Variants in FAM81A observed in about 807,000 individuals in gnomAD.
FAM81A encodes family with sequence similarity 81 member A, also known as protein FAM81A.
FAM81A carries 19 observed loss-of-function variants against 46.7 expected under a neutral mutation model. That is an observed-to-expected ratio of 0.41 (90% CI 0.28 to 0.60). FAM81A has a LOEUF of 0.60. FAM81A is among the 20% of genes least tolerant of loss of function. The pLI is 0.34. For synonymous variants in FAM81A, 183 were observed against 152.9 expected, an observed-to-expected ratio of 1.20 and a Z score of -1.45; for missense variants, 377 against 453.5, an observed-to-expected ratio of 0.83 and a Z score of 1.53.
intron 2 of FAM81A, among the ~76,000 whole-genome samples, chr15:59,422,713 T>C (rs1163664010): frequency 1.3e-5 from 2 of 152,168 alleles, no homozygotes; most frequent in African/African-American, 2.4e-5. Context: ...CCTGACCTCA[T>C]GATCTGTCTG....
intron 8 of FAM81A, among the ~76,000 whole-genome samples, chr15:59,519,309 C>T (rs746642956): frequency 2.0e-5 from 3 of 151,948 alleles, no homozygotes; most frequent in Admixed American, 2.0e-4. Flanking sequence ...ATACCTCAGC[C>T]CCGCGGGTAG....
exon 2 of FAM81A, chr15:59,402,318 G>A (rs116977752): frequency 1.9e-5 from 3 of 155,890 alleles, no homozygotes; most frequent in Admixed American, 1.3e-4. Context: ...GGATCTGAAG[G>A]TCCAGGACCT....
At chr15:59,403,617 T>TATTTTATGGAAGTGTTATCTCTGGC (rs2081081367) in intron 2 of FAM81A, among the ~76,000 whole-genome samples, 2 of 152,172 alleles carry the variant, frequency 1.3e-5, no homozygotes, top group Non-Finnish European at 2.9e-5. Context: ...GTTCCTCTGG[T>TATTTTATGGAAGTGTTATCTCTGGC]TATTTTATGG....
intron 7 of FAM81A, 141 bp downstream of exon 7, chr15:59,514,565 A>G (rs2082247244): frequency 9.1e-7 from 1 of 1,101,352 alleles, no homozygotes. Context: ...ATAGTTCCAT[A>G]TTGATGCTTT....
intron 1 of FAM81A, among the ~76,000 whole-genome samples, chr15:59,455,907 T>C (rs2081477877): frequency 6.6e-6 from 1 of 152,234 alleles, no homozygotes; most frequent in Admixed American, 6.5e-5. Context: ...CTTATATCTT[T>C]ATTGCTGCAG....
intron 2 of FAM81A, among the ~76,000 whole-genome samples, chr15:59,413,600 C>T (rs939906330): frequency 6.6e-6 from 1 of 152,150 alleles, no homozygotes; most frequent in Admixed American, 6.5e-5. Flanking sequence ...AAGCCATTAT[C>T]TGCTGTTCCT....
intron 4 of FAM81A, among the ~76,000 whole-genome samples, chr15:59,502,842 G>C (rs1251117356): frequency 1.1e-4 from 17 of 152,046 alleles, no homozygotes; most frequent in Admixed American, 7.9e-4. Context: ...GGGAGTCTTT[G>C]GTATCTTACC....
At chr15:59,464,821 T>G (rs1193170988) in intron 3 of FAM81A, among the ~76,000 whole-genome samples, 1 of 152,194 alleles carries the variant, frequency 6.6e-6, no homozygotes, top group Non-Finnish European at 1.5e-5. Context: ...TTGTTTGATA[T>G]AATCCATTTG....
In FAM81A at chr15:59,521,933, T is replaced by G. The variant is rs139126631; in HGVS notation, c.*555T>G. The G allele has an allele frequency of 1.3e-5, 2 of 152,448 alleles. No homozygotes were observed. The highest frequency in any genetic ancestry group is 4.8e-5 in the African/African-American group (2 of 41,578). 9.4% of individuals were successfully genotyped at this position (152,448 alleles called of 1,614,324 possible). On this transcript the variant is annotated 3_prime_UTR_variant, in exon 9 of 9. Coordinates refer to ENST00000288228, the MANE Select transcript of FAM81A (RefSeq NM_152450.3). ...TTTTGTAAGGGGAAAGGATTTAACATTTAGAATAAACCCCACCATTTATGT... is the reference window on the plus strand; with the variant it reads ...TTTTGTAAGGGGAAAGGATTTAACAGTTAGAATAAACCCCACCATTTATGT...
intron 3 of FAM81A, among the ~76,000 whole-genome samples, chr15:59,476,448 T>C (rs932162242): frequency 6.6e-6 from 1 of 152,128 alleles, no homozygotes; most frequent in African/African-American, 2.4e-5. Flanking sequence ...AGAGTAAATT[T>C]AAAAAGTACT....
intron 4 of FAM81A, among the ~76,000 whole-genome samples, chr15:59,495,798 C>A (rs146763664): frequency 7.7e-4 from 117 of 152,270 alleles, no homozygotes; most frequent in Middle Eastern, 3.4e-3. Context: ...TGTGCTTGCT[C>A]GTCATTGGCA....
At chr15:59,502,124 A>G (rs553268725) in intron 4 of FAM81A, among the ~76,000 whole-genome samples, 1 of 151,700 alleles carries the variant, frequency 6.6e-6, no homozygotes, top group African/African-American at 2.4e-5. Flanking sequence ...GAAACATTTT[A>G]GAGTAAGAAC....
At chr15:59,504,733 G>A (rs1158153342) in intron 4 of FAM81A, among the ~76,000 whole-genome samples, 1 of 152,060 alleles carries the variant, frequency 6.6e-6, no homozygotes, top group Admixed American at 6.5e-5. Context: ...CTTATTCTTG[G>A]ATGATAGGTT....
In FAM81A at chr15:59,460,394, G is replaced by A; in HGVS notation, c.294+188G>A. 1 of 780,888 alleles carries A rather than the reference G, an allele frequency of 1.3e-6. No individual in the cohort carries two copies. The highest frequency in any genetic ancestry group is 2.2e-6 in the Non-Finnish European group (1 of 453,744). 48.4% of individuals were successfully genotyped at this position (780,888 alleles called of 1,614,324 possible). On this transcript the variant is annotated intron_variant, in intron 3 of 8. Transcript: ENST00000288228. The surrounding 1 kb of genome is among the most constrained non-coding windows in gnomAD (Gnocchi z 4.4). ...AAATATCCTAATTAAATTTATTCCA[G>A]TGTTTGATAACAGTTACTGTTAGTG... is the stretch of plus-strand genomic sequence containing the variant.
chr15:59,437,153 C>T (rs1261749734), upstream of FAM81A, among the ~76,000 whole-genome samples: 1 of 152,080 alleles, frequency 6.6e-6, no homozygotes, highest in African/African-American at 2.4e-5. Flanking sequence ...ACTAATAGCC[C>T]CTAAATAATA....
In FAM81A at chr15:59,458,577, C is replaced by T. The variant is rs779007909; in HGVS notation, c.-50C>T. The T allele has an allele frequency of 6.2e-7, 1 of 1,612,982 alleles. No individual in the cohort carries two copies. The highest frequency in any genetic ancestry group is 2.2e-5 in the East Asian group (1 of 44,820). On this transcript the variant is annotated 5_prime_UTR_variant, in exon 2 of 9. An upstream open reading frame in the 5' UTR gains an earlier in-frame stop. Transcript: ENST00000288228. ...GTGAATTATTAAAAAGAAAATGGCC[C>T]AACGGAGCACTGTATTTCCTTCTCG...
At chr15:59,507,436 T>C (rs1596540818) in intron 5 of FAM81A, 94 bp downstream of exon 5, 1 of 1,487,838 alleles carries the variant, frequency 6.7e-7, no homozygotes, top group East Asian at 2.5e-5. Flanking sequence ...AGAAACCAGC[T>C]GGGGCATCTA....
At chr15:59,447,357 C>G (rs1470858824) in intron 1 of FAM81A, among the ~76,000 whole-genome samples, 2 of 152,188 alleles carry the variant, frequency 1.3e-5, no homozygotes, top group African/African-American at 4.8e-5. Flanking sequence ...ACCCAGCTTT[C>G]CCCAGATCGG....
At chr15:59,407,894 CA>C in intron 2 of FAM81A, 2 of 191,816 alleles carry the variant, frequency 1.0e-5, no homozygotes, top group Admixed American at 5.8e-5. Flanking sequence ...TTTGGGGGTC[CA>C]AGGCCTGGGT....
Sources: gnomAD v4.1 joint callset for allele counts (sites outside exome capture counted in the v4.1 genomes callset) on GRCh38, gnomAD v4.1.1 for gene constraint, Gnocchi (gnomAD v3.1) non-coding constraint, MANE v1.5 for transcripts, NCBI Gene and HGNC (gene_info 2026-07-23, HGNC 2026-07-21) for gene names.